Variants in GAP43 observed in about 807,000 individuals in gnomAD.
GAP43 encodes growth associated protein 43, also known as neuromodulin.
GAP43 carries 6 observed loss-of-function variants against 18.6 expected under a neutral mutation model. The observed-to-expected ratio is 0.32, with a 90% CI of 0.18 to 0.64. GAP43 has a LOEUF of 0.64. GAP43 is among the 30% of genes least tolerant of loss of function. The probability of loss-of-function intolerance (pLI) is 0.78; values close to 1 mark genes in which losing one functional copy is unlikely to be tolerated. For missense variants in GAP43, 292 were observed against 295.5 expected (o/e 0.99, Z 0.09); for synonymous variants, 115 against 111.4 (o/e 1.03, Z -0.20).
chr3:115,693,691 G>T (rs1486635067), intron 2 of GAP43, among the ~76,000 whole-genome samples: 1 of 151,710 alleles, frequency 6.6e-6, no homozygotes, highest in East Asian at 1.9e-4. Flanking sequence ...TAAGAAAGGG[G>T]TGGGGGAGTG....
rs1375673263 is a variant in GAP43, at chr3:115,644,389, A to T, written c.30+20670A>T. On this transcript the variant is annotated intron_variant, in intron 1 of 2. Transcript: ENST00000305124. The surrounding 1 kb of genome is among the most constrained non-coding windows in gnomAD (Gnocchi z 4.2). ...ATGGGTGAGAGTGGGAGGAGTTCAA[A>T]CACTGGTTGATAAAAGGATAACAAA... Among the ~76,000 whole-genome samples, 1 of 151,986 alleles carries T rather than the reference A, an allele frequency of 6.6e-6. No individual in the cohort carries two copies. The highest frequency in any genetic ancestry group is 1.5e-5 in the Non-Finnish European group (1 of 67,954).
chr3:115,715,991 G>A (rs1248748469), intron 2 of GAP43, among the ~76,000 whole-genome samples: 4 of 152,190 alleles, frequency 2.6e-5, no homozygotes, highest in Admixed American at 2.0e-4. Flanking sequence ...GAAATGGGGT[G>A]ATTAAGGTAG....
chr3:115,689,042 C>T (rs1223773607), intron 2 of GAP43, among the ~76,000 whole-genome samples: 1 of 152,194 alleles, frequency 6.6e-6, no homozygotes, highest in African/African-American at 2.4e-5. Flanking sequence ...TTGCTCCTGT[C>T]CCAGGGCCTT....
rs557934712 is a variant in GAP43 at position 115,694,174 on chromosome 3, C to A, written c.628+17564C>A. The stretch of plus-strand genomic sequence containing the variant: ...GTCTCTTGAAACCCTGAGTGGCTGC[C>A]GCTGCTGTTACAGGCAGCCCAGAAA... On this transcript the variant is annotated intron_variant, in intron 2 of 2. Transcript: ENST00000305124. Among the ~76,000 whole-genome samples, 6 of 152,228 alleles carry A rather than the reference C, an allele frequency of 3.9e-5. No homozygotes were observed. The South Asian group carries it at 8.3e-4, about 21-fold the overall frequency.
At chr3:115,701,249 T>C (rs1233191354) in intron 2 of GAP43, among the ~76,000 whole-genome samples, 1 of 152,156 alleles carries the variant, frequency 6.6e-6, no homozygotes, top group African/African-American at 2.4e-5. Flanking sequence ...GTATCTTCTC[T>C]GCCACCCCCT....
intron 2 of GAP43, among the ~76,000 whole-genome samples, chr3:115,686,087 G>A (rs868354047): frequency 7.2e-5 from 11 of 152,208 alleles, no homozygotes; most frequent in South Asian, 2.1e-4. Flanking sequence ...CTACCAATGT[G>A]TAATCTCCAA....
chr3:115,639,072 ACCAGTGT>A (rs1354083371), intron 1 of GAP43, among the ~76,000 whole-genome samples: 1 of 152,072 alleles, frequency 6.6e-6, no homozygotes, highest in African/African-American at 2.4e-5. Context: ...ATGAACAAAT[ACCAGTGT>A]CCAGTGAGTA....
chr3:115,624,438 T>G (rs538038714), intron 1 of GAP43, among the ~76,000 whole-genome samples: 1 of 152,170 alleles, frequency 6.6e-6, no homozygotes, highest in East Asian at 1.9e-4. Flanking sequence ...ACCACGCCCC[T>G]AGGAGCTCCG....
At chr3:115,652,691 T>C (rs1413722414) in intron 1 of GAP43, among the ~76,000 whole-genome samples, 1 of 152,132 alleles carries the variant, frequency 6.6e-6, no homozygotes, top group East Asian at 1.9e-4. Flanking sequence ...CAGCCGCCTA[T>C]GCAGTGTTCA....
intron 1 of GAP43, chr3:115,661,263 C>T (rs1336093920): frequency 3.3e-5 from 5 of 152,190 alleles, no homozygotes; most frequent in African/African-American, 1.2e-4. Flanking sequence ...GTTTTCTGTG[C>T]TTTTTTTCAC....
chr3:115,675,575 A>G (rs1263821834), intron 1 of GAP43, among the ~76,000 whole-genome samples: 3 of 151,996 alleles, frequency 2.0e-5, no homozygotes, highest in Non-Finnish European at 4.4e-5. Flanking sequence ...AGCCTGAACA[A>G]CATGATGAAA....
At chr3:115,656,162 T>TGGTCTCTTCTA (rs1164465037) in intron 1 of GAP43, among the ~76,000 whole-genome samples, 3 of 152,250 alleles carry the variant, frequency 2.0e-5, no homozygotes, top group Non-Finnish European at 4.4e-5. Context: ...CATGGTGTGA[T>TGGTCTCTTCTA]GGTCTCTTCT....
intron 2 of GAP43, 145 bp downstream of exon 2, chr3:115,676,755 C>A: frequency 1.1e-6 from 1 of 888,890 alleles, no homozygotes; most frequent in Non-Finnish European, 1.6e-6. Flanking sequence ...CTTAATTTCC[C>A]AAAGTGGCAG....
intron 2 of GAP43, among the ~76,000 whole-genome samples, chr3:115,704,443 C>T (rs888335673): frequency 2.0e-5 from 3 of 152,068 alleles, no homozygotes; most frequent in African/African-American, 7.2e-5. Flanking sequence ...TTTTAGAGGT[C>T]TCCACTTATT....
intron 1 of GAP43, among the ~76,000 whole-genome samples, chr3:115,625,518 A>T (rs1457173169): frequency 6.6e-6 from 1 of 152,238 alleles, no homozygotes; most frequent in African/African-American, 2.4e-5. Flanking sequence ...AAGGTGGAGC[A>T]CTAAGTAAGC....
intron 2 of GAP43, among the ~76,000 whole-genome samples, chr3:115,711,680 T>C (rs1437492677): frequency 6.6e-6 from 1 of 152,204 alleles, no homozygotes; most frequent in African/African-American, 2.4e-5. Context: ...AGGCTGACTC[T>C]GCATTCTACC....
At chr3:115,707,463 T>A (rs983512136) in intron 2 of GAP43, among the ~76,000 whole-genome samples, 49 of 151,950 alleles carry the variant, frequency 3.2e-4, no homozygotes, top group African/African-American at 9.9e-4. Context: ...CTAATTTTTT[T>A]AATTATTTGT....
chr3:115,717,170 G>A (rs1288161361), intron 2 of GAP43, among the ~76,000 whole-genome samples: 6 of 152,116 alleles, frequency 3.9e-5, no homozygotes, highest in Non-Finnish European at 8.8e-5. Context: ...GTTCTTTCCT[G>A]AATGAGGTTA....
intron 2 of GAP43, among the ~76,000 whole-genome samples, chr3:115,693,327 A>C: frequency 6.6e-6 from 1 of 152,140 alleles, no homozygotes; most frequent in East Asian, 1.9e-4. Context: ...AAGTAGTCCA[A>C]GGAAATGCTG....
Sources: gnomAD v4.1 joint callset for allele counts (sites outside exome capture counted in the v4.1 genomes callset) on GRCh38, gnomAD v4.1.1 for gene constraint, Gnocchi (gnomAD v3.1) non-coding constraint, MANE v1.5 for transcripts, NCBI Gene and HGNC (gene_info 2026-07-23, HGNC 2026-07-21) for gene names.